SUMF1: variants seen among roughly 807,000 people sequenced by gnomAD.
SUMF1 encodes sulfatase modifying factor 1.
In SUMF1, 48 loss-of-function variants were observed where a neutral mutation model predicts 47.6. The observed-to-expected ratio is 1.01, with a 90% confidence interval of 0.80 to 1.28. SUMF1 has a LOEUF of 1.28. Ranked by LOEUF, SUMF1 falls within the 50% of genes most tolerant of loss-of-function variation. The pLI, the probability that SUMF1 is intolerant of heterozygous loss-of-function variation, is 0.00. For synonymous variants in SUMF1, 230 were observed against 192.1 expected, an observed-to-expected ratio of 1.20 and a Z score of -1.63; for missense variants, 571 against 485.4, an observed-to-expected ratio of 1.18 and a Z score of -1.66.
chr3:4,235,653 G>A lies in SUMF1; in HGVS notation c.1014+140677C>T, dbSNP rs569760683. On this transcript the variant is annotated intron_variant and NMD_transcript_variant, in intron 8 of 12. Coordinates refer to the SUMF1 transcript ENST00000448413. The stretch of plus-strand genomic sequence containing the variant: ...GTATTACCTCTATGTACTTACAAGG[G>A]AACATCCTAGGCCCTTCTCTGGACA... Among the ~76,000 whole-genome samples, 32 of 152,124 alleles carry A rather than the reference G, an allele frequency of 2.1e-4. No individual in the cohort carries two copies. In the South Asian group the frequency reaches 6.4e-3, roughly 31 times the overall value.
chr3:4,313,199 T>A, intron 8 of SUMF1: 1 of 1,614,016 alleles, frequency 6.2e-7, no homozygotes, highest in Non-Finnish European at 8.5e-7. Context: ...GGCTGGGGAC[T>A]TCGTACCTTG....
At chr3:4,337,641 T>G (rs1699182604) in intron 8 of SUMF1, among the ~76,000 whole-genome samples, 1 of 152,184 alleles carries the variant, frequency 6.6e-6, no homozygotes, top group Non-Finnish European at 1.5e-5. Flanking sequence ...CTTTCCTAAC[T>G]TGCCACTACA....
At chr3:4,338,103 G>T (rs1333357906) in intron 8 of SUMF1, among the ~76,000 whole-genome samples, 6 of 152,076 alleles carry the variant, frequency 3.9e-5, no homozygotes, top group Non-Finnish European at 8.8e-5. Flanking sequence ...ATTTTGAGTA[G>T]TAAGAATATT....
chr3:4,374,919 T>C (rs1700277452), intron 8 of SUMF1, among the ~76,000 whole-genome samples: 1 of 152,050 alleles, frequency 6.6e-6, no homozygotes, highest in Non-Finnish European at 1.5e-5. Flanking sequence ...CCCAACACTT[T>C]GGGAAGCAAA....
intron 8 of SUMF1, among the ~76,000 whole-genome samples, chr3:4,213,688 T>G (rs928067406): frequency 1.3e-5 from 2 of 152,070 alleles, no homozygotes; most frequent in Non-Finnish European, 2.9e-5. Flanking sequence ...AAGACACACA[T>G]AGGCTCAAAA....
At chr3:4,173,036 G>A (rs1279612060) in intron 8 of SUMF1, among the ~76,000 whole-genome samples, 1 of 152,158 alleles carries the variant, frequency 6.6e-6, no homozygotes, top group Non-Finnish European at 1.5e-5. Context: ...TGTATAAGGT[G>A]TAAGGAAGGG....
At chr3:4,203,912 G>A (rs768797345) in intron 8 of SUMF1, among the ~76,000 whole-genome samples, 2 of 151,606 alleles carry the variant, frequency 1.3e-5, no homozygotes. Context: ...TTAACTTTTT[G>A]ATATCTCTAT....
chr3:4,200,637 C>T (rs78023063), intron 8 of SUMF1, among the ~76,000 whole-genome samples: 5 of 152,078 alleles, frequency 3.3e-5, no homozygotes, highest in Admixed American at 6.6e-5. Context: ...GATTCCCTAG[C>T]GTGCAGATGG....
chr3:4,159,214 T>A (rs1297479613), intron 8 of SUMF1, among the ~76,000 whole-genome samples: 1 of 151,288 alleles, frequency 6.6e-6, no homozygotes, highest in Non-Finnish European at 1.5e-5. Flanking sequence ...TGCAGTCTCC[T>A]CTTCCTTCTT....
chr3:4,390,048 G>A (rs1700805676), intron 7 of SUMF1, among the ~76,000 whole-genome samples: 1 of 152,178 alleles, frequency 6.6e-6, no homozygotes, highest in African/African-American at 2.4e-5. Flanking sequence ...ACGTGGACAT[G>A]TTCTTATTAT....
At chr3:4,161,717 G>A (rs971405415) in intron 8 of SUMF1, among the ~76,000 whole-genome samples, 1 of 152,016 alleles carries the variant, frequency 6.6e-6, no homozygotes, top group African/African-American at 2.4e-5. Flanking sequence ...CTCTGATCTA[G>A]GGCAGGTCCA....
chr3:4,430,639 C>A (rs183535597), intron 3 of SUMF1, among the ~76,000 whole-genome samples: 9 of 152,250 alleles, frequency 5.9e-5, no homozygotes, highest in Admixed American at 2.0e-4. Context: ...CTATGCCACT[C>A]CTGTGCTAGC....
At chr3:4,064,886 A>T (rs577551577) in intron 9 of SUMF1, among the ~76,000 whole-genome samples, 68 of 152,312 alleles carry the variant, frequency 4.5e-4, no homozygotes, top group African/African-American at 1.6e-3. Flanking sequence ...GTCATTTGGA[A>T]GGAAAATAAA....
intron 8 of SUMF1, among the ~76,000 whole-genome samples, chr3:4,259,611 G>C (rs1272051641): frequency 6.6e-6 from 1 of 151,956 alleles, no homozygotes; most frequent in Non-Finnish European, 1.5e-5. Context: ...TGCCTTTTGG[G>C]TTACAAACAG....
intron 8 of SUMF1, among the ~76,000 whole-genome samples, chr3:4,182,228 C>T (rs1378719952): frequency 6.6e-6 from 1 of 151,874 alleles, no homozygotes; most frequent in Non-Finnish European, 1.5e-5. Context: ...TACATTAATC[C>T]AGAGTGTCAA....
At chr3:4,421,773 C>T (rs143931170) in intron 3 of SUMF1, among the ~76,000 whole-genome samples, 1 of 152,206 alleles carries the variant, frequency 6.6e-6, no homozygotes, top group African/African-American at 2.4e-5. Flanking sequence ...GTGTAAGCTA[C>T]TGCACCTGGC....
At chr3:4,417,906 G>T in intron 5 of SUMF1, 104 bp downstream of exon 5, 1 of 1,570,914 alleles carries the variant, frequency 6.4e-7, no homozygotes, top group East Asian at 2.2e-5. Context: ...AATTATTGTC[G>T]TTATTAACTT....
intron 8 of SUMF1, among the ~76,000 whole-genome samples, chr3:4,350,093 C>T (rs529586628): frequency 1.4e-4 from 21 of 151,586 alleles, no homozygotes; most frequent in Admixed American, 2.0e-4. Flanking sequence ...CTCTGCCTTC[C>T]GTGTTTGAGC....
At chr3:4,087,952 G>T (rs930497683) in intron 8 of SUMF1, among the ~76,000 whole-genome samples, 3 of 151,870 alleles carry the variant, frequency 2.0e-5, no homozygotes, top group Non-Finnish European at 4.4e-5. Flanking sequence ...AGAAATTAAT[G>T]ATTGAGAGCT....
Sources: allele counts gnomAD v4.1 joint callset (sites outside exome capture counted in the v4.1 genomes callset), GRCh38; gene constraint gnomAD v4.1.1; transcripts MANE v1.5; gene names NCBI Gene and HGNC (gene_info 2026-07-23, HGNC 2026-07-21).